The following TRAPPC9 variants were observed in gnomAD, a reference collection of about 807,000 sequenced individuals.
TRAPPC9 encodes the protein IKK2 binding protein.
A neutral mutation model predicts 124.0 loss-of-function variants in TRAPPC9; 83 were observed. That is an observed-to-expected ratio of 0.67 (90% confidence interval 0.56 to 0.80). TRAPPC9 has a LOEUF of 0.80. TRAPPC9 is among the 30% of genes least tolerant of loss of function. TRAPPC9 has a pLI of 0.00. For synonymous variants in TRAPPC9, 638 were observed against 617.5 expected (o/e 1.03, Z -0.49); for missense variants, 1,302 against 1,508.3 (o/e 0.86, Z 2.27).
intron 17 of TRAPPC9, among the ~76,000 whole-genome samples, chr8:140,083,401 G>C (rs1025184013): frequency 2.2e-4 from 33 of 152,066 alleles, no homozygotes; most frequent in African/African-American, 8.0e-4. Context: ...TTACACTGAC[G>C]AACATTGAGT....
At chr8:140,382,117 C>A (rs2068626595) in intron 7 of TRAPPC9, among the ~76,000 whole-genome samples, 1 of 152,190 alleles carries the variant, frequency 6.6e-6, no homozygotes, top group Non-Finnish European at 1.5e-5. Flanking sequence ...ATGGTATCTC[C>A]ATATAGCGGA....
chr8:140,176,626 G>A (rs866931084), intron 17 of TRAPPC9, among the ~76,000 whole-genome samples: 2 of 152,254 alleles, frequency 1.3e-5, no homozygotes, highest in Non-Finnish European at 2.9e-5. Context: ...TATGGGCATC[G>A]GTCATGTCTT....
intron 19 of TRAPPC9, chr8:139,932,647 C>G (rs1283424239): frequency 2.5e-6 from 1 of 397,572 alleles, no homozygotes; most frequent in Non-Finnish European, 5.0e-6. Flanking sequence ...GCCTGTAGTC[C>G]CAGCTACGTG....
intron 4 of TRAPPC9, among the ~76,000 whole-genome samples, chr8:140,433,428 A>C (rs2070718409): frequency 6.6e-6 from 1 of 152,088 alleles, no homozygotes; most frequent in Admixed American, 6.6e-5. Flanking sequence ...ATCTCTACTG[A>C]AATTTACAAA....
At chr8:140,440,972 CTT>C (rs60379205) in intron 2 of TRAPPC9, among the ~76,000 whole-genome samples, 144 of 80,282 alleles carry the variant, frequency 1.8e-3, no homozygotes, top group Middle Eastern at 0.011. Context: ...AACACTGTTA[CTT>C]TTTTTTTTTT....
intron 19 of TRAPPC9, among the ~76,000 whole-genome samples, chr8:139,987,160 T>C (rs780445506): frequency 3.3e-5 from 5 of 152,218 alleles, no homozygotes; most frequent in Non-Finnish European, 7.3e-5. Context: ...GCCATTTGTT[T>C]GTCCGTTCTC....
Position 140,397,572 on chromosome 8 carries a change from C to G in TRAPPC9, c.1134+48G>C, listed in dbSNP as rs765641660. 6.8e-6 allele frequency: 11 copies of G among 1,610,318 alleles called. No individual in the cohort carries two copies. In the Admixed American group the frequency reaches 1.8e-4, roughly 27 times the overall value. ...AGCTGAATTCATAGTGAATCAATTC[C>G]GTAAGAACTGGATGAACTCTTCCAC... On this transcript the variant is annotated intron_variant, in intron 7 of 22. Coordinates refer to ENST00000438773, the MANE Select transcript of TRAPPC9 (RefSeq NM_001160372.4).
At chr8:140,439,271 T>G (rs1044816748) in intron 2 of TRAPPC9, 74 bp from the exon 3 acceptor site, 2 of 1,523,470 alleles carry the variant, frequency 1.3e-6, no homozygotes, top group Admixed American at 3.4e-5. Context: ...TAAGCACTAT[T>G]CAATTCTCTC....
chr8:140,317,633 A>C (rs898814003), intron 9 of TRAPPC9, among the ~76,000 whole-genome samples: 1 of 152,172 alleles, frequency 6.6e-6, no homozygotes, highest in East Asian at 1.9e-4. Context: ...TTTCTGCTTT[A>C]ATTTTTTTTT....
At chr8:140,123,272 G>A (rs1016920790) in intron 17 of TRAPPC9, among the ~76,000 whole-genome samples, 13 of 152,084 alleles carry the variant, frequency 8.5e-5, no homozygotes, top group African/African-American at 2.7e-4. Context: ...TGCTCCAGCC[G>A]GACCTCCCAC....
chr8:139,962,454 A>AAC (rs1587351553), intron 19 of TRAPPC9, among the ~76,000 whole-genome samples: 1 of 125,168 alleles, frequency 8.0e-6, no homozygotes, highest in African/African-American at 2.5e-5. Context: ...CCATTCATTC[A>AAC]ACACACACAC....
intron 17 of TRAPPC9, among the ~76,000 whole-genome samples, chr8:140,044,245 G>T (rs1282322724): frequency 6.7e-6 from 1 of 149,874 alleles, no homozygotes; most frequent in Non-Finnish European, 1.5e-5. Context: ...ACACTGTGCT[G>T]GTCCAGAAGC....
At chr8:140,404,884 ATGTGTGCACGTGTGTGTGAGCATGCG>A (rs769492727) in intron 6 of TRAPPC9, among the ~76,000 whole-genome samples, 64 of 127,944 alleles carry the variant, frequency 5.0e-4, no homozygotes, top group Non-Finnish European at 1.0e-3. Context: ...GTGTAAGTGC[ATGTGTGCACGTGTGTGTGAGCATGCG>A]TGTGTGTGTG....
At chr8:139,905,955 G>A (rs926221386) in intron 20 of TRAPPC9, among the ~76,000 whole-genome samples, 2 of 151,810 alleles carry the variant, frequency 1.3e-5, no homozygotes, top group African/African-American at 2.4e-5. Context: ...TTAGCCGGGC[G>A]TGGTGGTGTA....
chr8:139,804,525 CA>C (rs1823869553), intron 21 of TRAPPC9, among the ~76,000 whole-genome samples: 1 of 139,278 alleles, frequency 7.2e-6, no homozygotes, highest in Non-Finnish European at 1.6e-5. Context: ...CCACCGCCAC[CA>C]CACACAACCA....
At chr8:140,412,015 G>A (rs1288486395) in intron 5 of TRAPPC9, among the ~76,000 whole-genome samples, 1 of 152,226 alleles carries the variant, frequency 6.6e-6, no homozygotes, top group East Asian at 1.9e-4. Flanking sequence ...GTGAAAGTGT[G>A]ATGACAAACA....
intron 14 of TRAPPC9, among the ~76,000 whole-genome samples, chr8:140,279,719 T>TG (rs1436953300): frequency 6.6e-6 from 1 of 151,886 alleles, no homozygotes; most frequent in Non-Finnish European, 1.5e-5. Flanking sequence ...ACAATAAAAA[T>TG]GGGGGGTCAG....
At chr8:140,202,164 A>T (rs901662480) in intron 17 of TRAPPC9, among the ~76,000 whole-genome samples, 1 of 52,008 alleles carries the variant, frequency 1.9e-5, no homozygotes, top group Admixed American at 2.3e-4. Context: ...TTCTGTAATT[A>T]AAAAAAAAAA....
intron 21 of TRAPPC9, among the ~76,000 whole-genome samples, chr8:139,829,418 G>A (rs775792940): frequency 1.4e-4 from 22 of 152,216 alleles, no homozygotes; most frequent in Non-Finnish European, 2.6e-4. Context: ...CTTGTGACCC[G>A]TTCCCGTTCC....
Sources: allele counts gnomAD v4.1 joint callset (sites outside exome capture counted in the v4.1 genomes callset), GRCh38; gene constraint gnomAD v4.1.1; transcripts MANE v1.5; gene names NCBI Gene and HGNC (gene_info 2026-07-23, HGNC 2026-07-21).